The following TTLL7 variants were observed in gnomAD, a reference collection of about 807,000 sequenced individuals.
The protein encoded by TTLL7 is tubulin tyrosine ligase like 7.
Under a neutral mutation model 120.2 loss-of-function variants are expected in TTLL7, and 53 were observed. The observed-to-expected ratio is 0.44, with a 90% CI of 0.35 to 0.55. The LOEUF is 0.55. Ranked by LOEUF, TTLL7 falls within the 20% of genes least tolerant of loss-of-function variation. TTLL7 has a pLI of 0.00. For synonymous variants in TTLL7, 353 were observed against 351.7 expected (o/e 1.00, Z -0.04); for missense variants, 803 against 1,054.7 (o/e 0.76, Z 3.31).
At chr1:83,943,306 C>G (rs1240806507) in intron 6 of TTLL7, among the ~76,000 whole-genome samples, 1 of 152,112 alleles carries the variant, frequency 6.6e-6, no homozygotes, top group Non-Finnish European at 1.5e-5. Flanking sequence ...CTGACATATT[C>G]CTGGGAATCT....
intron 1 of TTLL7, among the ~76,000 whole-genome samples, chr1:83,970,323 T>C (rs1033341962): frequency 2.6e-5 from 4 of 152,104 alleles, no homozygotes; most frequent in Admixed American, 1.3e-4. Context: ...GAGATCATTA[T>C]GTGAAAATAG....
chr1:83,948,606 A>C, intron 5 of TTLL7, 22 bp downstream of exon 5: 1 of 1,547,862 alleles, frequency 6.5e-7, no homozygotes, highest in Non-Finnish European at 8.9e-7. Flanking sequence ...GGTCTTCTCC[A>C]TTACAAGAAA....
chr1:83,942,402 G>T, intron 7 of TTLL7, 61 bp downstream of exon 7: 1 of 1,398,886 alleles, frequency 7.1e-7, no homozygotes, highest in Non-Finnish European at 1.0e-6. Context: ...CCTAATGGAT[G>T]CTTTAAAAAG....
chr1:83,932,700 A>T (rs552638174), intron 9 of TTLL7, among the ~76,000 whole-genome samples: 1 of 152,272 alleles, frequency 6.6e-6, no homozygotes, highest in African/African-American at 2.4e-5. Context: ...TTACACACAC[A>T]ACTTCTAACT....
At chr1:83,906,894 T>C (rs1657239119) in intron 16 of TTLL7, among the ~76,000 whole-genome samples, 1 of 152,054 alleles carries the variant, frequency 6.6e-6, no homozygotes, top group Non-Finnish European at 1.5e-5. Context: ...TATGTGAAGG[T>C]AGTCGGAGCT....
Position 83,917,683 on chromosome 1 carries a change from T to C in TTLL7, c.1508A>G (p.Asp503Gly). ...NNPLKRMKEE[D>G]ILDLLEQCEI... Reference sequence around the variant, plus strand: ...ACATTGCTCCAGAAGATCCAAAATATCTTCTTCCTTCAAAAAATATTCTAA... The same window carrying C: ...ACATTGCTCCAGAAGATCCAAAATACCTTCTTCCTTCAAAAAATATTCTAA... Residue 503 changes from aspartate to glycine, a missense_variant, in exon 14 of 21, where the codon GAT becomes GGT. By Grantham distance (94) the Asp-to-Gly change is moderately conservative. Transcript: ENST00000260505. The C allele has an allele frequency of 6.2e-7, 1 of 1,608,228 alleles. No individual in the cohort carries two copies. Among genetic ancestry groups the C allele is most frequent in the Non-Finnish European group, 8.5e-7 (1 of 1,175,326 alleles).
intron 14 of TTLL7, among the ~76,000 whole-genome samples, chr1:83,915,350 T>C (rs1571170299): frequency 1.3e-5 from 2 of 152,228 alleles, no homozygotes; most frequent in South Asian, 2.1e-4. Context: ...GGTCTACAAC[T>C]ATCTGATCTT....
chr1:83,917,574 A>G (rs1323323988), intron 14 of TTLL7, 30 bp downstream of exon 14: 6 of 1,492,864 alleles, frequency 4.0e-6, no homozygotes, highest in Admixed American at 1.7e-5. Context: ...ATCTACTTTG[A>G]TAAGTAAGGA....
intron 15 of TTLL7, among the ~76,000 whole-genome samples, chr1:83,910,108 A>G (rs900296450): frequency 6.6e-5 from 10 of 152,208 alleles, no homozygotes; most frequent in Non-Finnish European, 1.3e-4. Context: ...ATGAAGTAGT[A>G]GCACATTTCT....
chr1:83,867,486 T>A lies in TTLL7; in HGVS notation c.*2476A>T, dbSNP rs1278026669. 2 of 152,032 alleles carry A rather than the reference T, an allele frequency of 1.3e-5. No individual in the cohort carries two copies. 9.4% of individuals were successfully genotyped at this position (152,032 alleles called of 1,614,324 possible). A position where few individuals can be genotyped will look rare whatever the true frequency, so the allele number is the denominator to read the frequency against. On this transcript the variant is annotated 3_prime_UTR_variant, in exon 21 of 21. Transcript: ENST00000260505. ...AATGAAATTTATTTGTTGAAATCAA[T>A]TTGTGGGGTACTTTCATACATTTAA...
intron 1 of TTLL7, among the ~76,000 whole-genome samples, chr1:83,988,594 G>A (rs918510847): frequency 6.6e-6 from 1 of 152,154 alleles, no homozygotes; most frequent in South Asian, 2.1e-4. Flanking sequence ...GATGCGAGAT[G>A]GTATCTCATT....
intron 5 of TTLL7, 40 bp from the exon 6 acceptor site, chr1:83,947,322 A>G: frequency 6.5e-7 from 1 of 1,539,142 alleles, no homozygotes; most frequent in East Asian, 2.3e-5. Context: ...TTTCTATTCA[A>G]ACTAGCATAT....
intron 18 of TTLL7, among the ~76,000 whole-genome samples, chr1:83,899,007 G>A (rs939910005): frequency 6.6e-6 from 1 of 151,756 alleles, no homozygotes; most frequent in African/African-American, 2.4e-5. Context: ...GTGTATATTT[G>A]TTAGGCTTCT....
chr1:83,886,644 A>G (rs766426492), intron 19 of TTLL7, among the ~76,000 whole-genome samples: 29 of 152,018 alleles, frequency 1.9e-4, no homozygotes, highest in Non-Finnish European at 3.5e-4. Context: ...CCAACAGGAA[A>G]ATACTTTGGC....
intron 9 of TTLL7, among the ~76,000 whole-genome samples, chr1:83,932,091 T>G (rs1306887500): frequency 6.6e-6 from 1 of 152,184 alleles, no homozygotes; most frequent in Non-Finnish European, 1.5e-5. Flanking sequence ...ATTTTGAATC[T>G]TTTAAAATCC....
intron 7 of TTLL7, 46 bp downstream of exon 7, chr1:83,942,417 T>C (rs751644797): frequency 1.4e-5 from 21 of 1,496,188 alleles, no homozygotes; most frequent in Admixed American, 5.1e-5. Flanking sequence ...AAAAAGTATA[T>C]GTTGACAAAT....
At chr1:83,998,053 T>C (rs1653647030) in intron 1 of TTLL7, among the ~76,000 whole-genome samples, 1 of 152,234 alleles carries the variant, frequency 6.6e-6, no homozygotes, top group African/African-American at 2.4e-5. Context: ...CCTCAATTAA[T>C]TAATTCTATG....
At chr1:83,903,406 C>G (rs1273477612) in intron 18 of TTLL7, among the ~76,000 whole-genome samples, 2 of 152,064 alleles carry the variant, frequency 1.3e-5, no homozygotes, top group East Asian at 3.9e-4. Flanking sequence ...ACTACCTTCC[C>G]TCTATTTTTT....
chr1:83,947,059 C>A lies in TTLL7; in HGVS notation c.506+65G>T, dbSNP rs112233987. 9 of 1,360,292 alleles carry A rather than the reference C, an allele frequency of 6.6e-6. No individual in the cohort carries two copies. The African/African-American group carries it at 7.6e-5, about 11-fold the overall frequency. The allele number at this position is 1,360,292 out of a possible 1,614,324, so 84.3% of individuals were successfully genotyped here. A position where few individuals can be genotyped will look rare whatever the true frequency, so the allele number is the denominator to read the frequency against. On this transcript the variant is annotated intron_variant, in intron 6 of 20. Coordinates refer to ENST00000260505, the MANE Select transcript of TTLL7 (RefSeq NM_024686.6). ...GTACTCACGCATGAGTAATTATGCA[C>A]ATTTATTCTCCCCACTCCCAAATTT...
Sources: gnomAD v4.1 joint callset for allele counts (sites outside exome capture counted in the v4.1 genomes callset) on GRCh38, gnomAD v4.1.1 for gene constraint, MANE v1.5 for transcripts, NCBI Gene and HGNC (gene_info 2026-07-23, HGNC 2026-07-21) for gene names.